Variants in SIPA1L3 observed in about 807,000 individuals in gnomAD.
SIPA1L3 encodes the protein signal induced proliferation associated 1 like 3.
A neutral mutation model predicts 150.1 loss-of-function variants in SIPA1L3; 59 were observed. The ratio of observed to expected loss-of-function variants is 0.39; its 90% confidence interval spans 0.32 to 0.49. The LOEUF (loss-of-function observed/expected upper bound fraction) is 0.49. Among genes scored for constraint, SIPA1L3 ranks in the 20% least tolerant of loss-of-function variants. The pLI is 0.86. For synonymous variants in SIPA1L3, 1,070 were observed against 1,077.6 expected (o/e 0.99, Z 0.14); for missense variants, 2,211 against 2,489.5 (o/e 0.89, Z 2.38).
chr19:38,009,257 A>T, intron 1 of SIPA1L3, among the ~76,000 whole-genome samples: 1 of 152,092 alleles, frequency 6.6e-6, no homozygotes, highest in African/African-American at 2.4e-5. Flanking sequence ...TGACCTTGTG[A>T]TCTACCCGCC....
chr19:38,082,252 G>T lies in SIPA1L3; in HGVS notation c.687G>T (p.Gln229His). 1.2e-6 allele frequency: 2 copies of T among 1,600,798 alleles called. No individual in the cohort carries two copies. The highest frequency in any genetic ancestry group is 1.7e-5 in the Admixed American group (1 of 60,018). Reference protein sequence around the residue: ...FDILNEFRSEQPDARGCQALT... With the variant: ...FDILNEFRSEHPDARGCQALT... ...TCCTGAACGAGTTCCGCAGCGAGCA[G>T]CCCGACGCCCGAGGGTGCCAGGCCC... Residue 229 changes from glutamine to histidine, a missense_variant, in exon 3 of 22, where the codon CAG (glutamine) becomes CAT (histidine). Coordinates refer to ENST00000222345, the MANE Select transcript of SIPA1L3 (RefSeq NM_015073.3).
intron 16 of SIPA1L3, chr19:38,184,387 A>C (rs1206693675): frequency 6.6e-6 from 1 of 152,248 alleles, no homozygotes; most frequent in Non-Finnish European, 1.5e-5. Flanking sequence ...CATGTTAGTC[A>C]GGCTGGTCTT....
chr19:38,153,751 T>C (rs1600143179), intron 13 of SIPA1L3, among the ~76,000 whole-genome samples: 1 of 150,382 alleles, frequency 6.6e-6, no homozygotes, highest in Non-Finnish European at 1.5e-5. Flanking sequence ...CTGGCCAACA[T>C]GGGGAAACCC....
intron 1 of SIPA1L3, among the ~76,000 whole-genome samples, chr19:37,950,988 T>C (rs2046758663): frequency 6.6e-6 from 1 of 152,244 alleles, no homozygotes. Context: ...ATCTGCTGGT[T>C]TGGCCGCCCT....
intron 1 of SIPA1L3, among the ~76,000 whole-genome samples, chr19:38,025,854 A>G (rs1395800883): frequency 2.0e-5 from 3 of 152,212 alleles, no homozygotes; most frequent in Non-Finnish European, 4.4e-5. Context: ...CCAGCTTAGC[A>G]ATAGCAACGG....
intron 15 of SIPA1L3, among the ~76,000 whole-genome samples, chr19:38,180,421 CA>C (rs1972529587): frequency 6.6e-6 from 1 of 152,118 alleles, no homozygotes; most frequent in Non-Finnish European, 1.5e-5. Flanking sequence ...CTTGGCCTCC[CA>C]AAGTGCTGGG....
rs1014080062 is a variant in SIPA1L3 at position 38,082,040 on chromosome 19, C to A, written c.475C>A (p.Pro159Thr). The part of the protein sequence containing the change: ...VEFQDGWPRS[P>T]GRAFLPLRHR... The stretch of plus-strand genomic sequence containing the variant: ...GTTCCAGGACGGGTGGCCCCGGTCC[C>A]CCGGCAGGGCCTTCCTCCCCCTTCG... Residue 159 changes from proline to threonine, a missense_variant, in exon 3 of 22, where the codon CCC becomes ACC. This residue lies in a region of SIPA1L3 where 587 missense variants were observed against 534.5 expected (regional missense o/e 1.10). Coordinates refer to ENST00000222345, the MANE Select transcript of SIPA1L3 (RefSeq NM_015073.3). The A allele has an allele frequency of 6.2e-7, 1 of 1,613,900 alleles. No homozygotes were observed. The highest frequency in any genetic ancestry group is 2.2e-5 in the East Asian group (1 of 44,892).
In SIPA1L3 at chr19:38,110,260, G is replaced by A. The variant is rs539232870; in HGVS notation, c.2167G>A (p.Val723Met). ...GAAGAGGCACATAGGAAATGACATC[G>A]TGACGATCATCTTCCAGGAGCCTGG... The part of the protein sequence containing the change: ...LRKRHIGNDI[V>M]TIIFQEPGAL... Residue 723 changes from valine to methionine, a missense_variant, in exon 8 of 22, where the codon GTG becomes ATG. Val to Met is a conservative substitution (Grantham distance 21). Transcript: ENST00000222345. The A allele has an allele frequency of 6.2e-7, 1 of 1,614,090 alleles. No individual in the cohort carries two copies. The highest frequency in any genetic ancestry group is 8.5e-7 in the Non-Finnish European group (1 of 1,180,002).
chr19:38,139,656 G>C (rs972397885), intron 10 of SIPA1L3, among the ~76,000 whole-genome samples: 1 of 152,184 alleles, frequency 6.6e-6, no homozygotes, highest in African/African-American at 2.4e-5. Context: ...GTCGGGCCCT[G>C]GGTGCCAGAG....
At chr19:37,995,615 G>T (rs1599879466) in intron 1 of SIPA1L3, among the ~76,000 whole-genome samples, 1 of 152,314 alleles carries the variant, frequency 6.6e-6, no homozygotes, top group East Asian at 1.9e-4. Context: ...AGGTTAGTAG[G>T]AGTTCTGCCA....
chr19:38,094,751 A>G (rs940071296), intron 4 of SIPA1L3, among the ~76,000 whole-genome samples: 2 of 152,090 alleles, frequency 1.3e-5, no homozygotes, highest in African/African-American at 4.8e-5. Flanking sequence ...TGGACAACGT[A>G]GCGAGACCCC....
At chr19:38,017,109 C>G (rs895037718) in intron 1 of SIPA1L3, among the ~76,000 whole-genome samples, 1 of 151,858 alleles carries the variant, frequency 6.6e-6, no homozygotes, top group Admixed American at 6.6e-5. Flanking sequence ...GTTGGCCAGG[C>G]TGGTCTTGAA....
chr19:38,122,246 T>TAGGTAAAGAAACATG, intron 9 of SIPA1L3, among the ~76,000 whole-genome samples: 1 of 152,200 alleles, frequency 6.6e-6, no homozygotes, highest in South Asian at 2.1e-4. Context: ...AGCAAACTCC[T>TAGGTAAAGAAACATG]GTGTTCCTCC....
At chr19:37,917,343 T>G (rs2046422370) in intron 1 of SIPA1L3, among the ~76,000 whole-genome samples, 1 of 152,180 alleles carries the variant, frequency 6.6e-6, no homozygotes, top group African/African-American at 2.4e-5. Context: ...CACTCCTGTT[T>G]TATCTTGGCG....
In SIPA1L3 at chr19:38,164,687, G is replaced by T. The variant is rs61729146; in HGVS notation, c.3989G>T (p.Arg1330Leu). 2,618 of 1,613,730 alleles carry T rather than the reference G, an allele frequency of 1.6e-3. 33 individuals carry two copies. The African/African-American group carries it at 0.029, about 18-fold the overall frequency. ...TGCATGTCCCTGGCCAAGGCTCCAC[G>T]GCCCGCCAAGCCACACAAGCCCCCT... ...PSCMSLAKAP[R>L]PAKPHKPPGS... Residue 1330 changes from arginine (R) to leucine (L), a missense_variant, in exon 15 of 22, where the codon CGG (arginine) becomes CTG (leucine). By Grantham distance (102) the Arg-to-Leu change is moderately radical. This residue lies in a region of SIPA1L3 where 806 missense variants were observed against 870.1 expected (regional missense o/e 0.93). Transcript: ENST00000222345. This position sits in a 1 kb window ranked among gnomAD's most constrained non-coding sequence, Gnocchi z 4.1.
chr19:38,125,032 A>AGAGGGAGACCGTGGGGAGAGGGAGAGGGG (rs1971141461), intron 9 of SIPA1L3, among the ~76,000 whole-genome samples: 1 of 150,104 alleles, frequency 6.7e-6, no homozygotes, highest in South Asian at 2.2e-4. Context: ...AGGGAGAGGG[A>AGAGGGAGACCGTGGGGAGAGGGAGAGGGG]GAGGGAGCTG....
chr19:37,921,208 C>G (rs2046454490), intron 1 of SIPA1L3, among the ~76,000 whole-genome samples: 1 of 152,236 alleles, frequency 6.6e-6, no homozygotes, highest in African/African-American at 2.4e-5. Context: ...ATCAAGCTAG[C>G]AGCTACAACG....
chr19:38,041,567 G>A (rs919162666), intron 2 of SIPA1L3, among the ~76,000 whole-genome samples: 57 of 147,174 alleles, frequency 3.9e-4, no homozygotes, highest in African/African-American at 1.4e-3. Flanking sequence ...GTGAGCCACC[G>A]CACCAGGCCC....
At chr19:37,973,552 AAAG>A (rs1194858230) in intron 1 of SIPA1L3, among the ~76,000 whole-genome samples, 1,488 of 119,794 alleles carry the variant, frequency 0.012, 89 homozygotes, top group Non-Finnish European at 0.017. Flanking sequence ...AAAAAAAAAA[AAAG>A]CGGGAGGGGG....
Sources: gnomAD v4.1 joint callset for allele counts (sites outside exome capture counted in the v4.1 genomes callset) on GRCh38, gnomAD v4.1.1 for gene constraint, gnomAD v4.1.1 regional missense constraint, Gnocchi (gnomAD v3.1) non-coding constraint, MANE v1.5 for transcripts, NCBI Gene and HGNC (gene_info 2026-07-23, HGNC 2026-07-21) for gene names.